TTC39C: variants seen among roughly 807,000 people sequenced by gnomAD.
TTC39C encodes tetratricopeptide repeat protein 39C.
Under a neutral mutation model 76.3 loss-of-function variants are expected in TTC39C, and 33 were observed. The ratio of observed to expected loss-of-function variants is 0.43; its 90% CI spans 0.33 to 0.58. The LOEUF is 0.58. TTC39C is among the 20% of genes least tolerant of loss of function. The pLI is 0.04. For missense variants in TTC39C, 595 were observed against 701.4 expected, an observed-to-expected ratio of 0.85 and a Z score of 1.71; for synonymous variants, 254 against 260.6, an observed-to-expected ratio of 0.97 and a Z score of 0.24.
intron 6 of TTC39C, among the ~76,000 whole-genome samples, chr18:24,096,360 C>A (rs2084589767): frequency 6.6e-6 from 1 of 152,176 alleles, no homozygotes; most frequent in Non-Finnish European, 1.5e-5. Flanking sequence ...ATTATATTTT[C>A]TGTCTATTAC....
At chr18:24,015,704 G>T (rs1046966916) in intron 1 of TTC39C, among the ~76,000 whole-genome samples, 1 of 152,110 alleles carries the variant, frequency 6.6e-6, no homozygotes, top group African/African-American at 2.4e-5. Context: ...TTTTTCCAAC[G>T]TAAATAAAGG....
chr18:24,096,390 A>G (rs1338883141), intron 6 of TTC39C, among the ~76,000 whole-genome samples: 2 of 152,228 alleles, frequency 1.3e-5, no homozygotes, highest in East Asian at 1.9e-4. Context: ...GAGAATTAAC[A>G]TTGCCTTTAA....
intron 10 of TTC39C, among the ~76,000 whole-genome samples, chr18:24,128,151 G>A (rs1361185405): frequency 1.3e-5 from 2 of 152,198 alleles, no homozygotes; most frequent in Non-Finnish European, 2.9e-5. Flanking sequence ...CTGGCAAATA[G>A]TAGGCTCTCA....
chr18:24,030,074 C>T (rs764528559), intron 1 of TTC39C, among the ~76,000 whole-genome samples: 38 of 152,068 alleles, frequency 2.5e-4, no homozygotes, highest in Non-Finnish European at 4.9e-4. Flanking sequence ...TTTAAGGAAT[C>T]GCCGTACTGT....
Position 24,015,179 on chromosome 18 carries a change from G to C in TTC39C, c.167+141G>C. The C allele has an allele frequency of 5.6e-6, 4 of 710,830 alleles. No individual in the cohort carries two copies. The South Asian group carries it at 1.2e-4, about 21-fold the overall frequency. 44.0% of individuals were successfully genotyped at this position (710,830 alleles called of 1,614,324 possible). Reference sequence around the variant, plus strand: ...GGTCCTCAGGTCTCCTCCCTGGCAAGATCAGCCAGAGGGAATGCGCCTCTG... The same window carrying C: ...GGTCCTCAGGTCTCCTCCCTGGCAACATCAGCCAGAGGGAATGCGCCTCTG... On this transcript the variant is annotated intron_variant, in intron 1 of 13. Transcript: ENST00000317571.
rs188415159 is a variant in TTC39C at position 24,064,129 on chromosome 18, T to G, written c.168-11T>G. ...TTGTATTTTGTGTGTGTGTGTGTGT[T>G]TTTTTAACAGAAATCATAGCCCACT... is the stretch of plus-strand genomic sequence containing the variant. On this transcript the variant is annotated splice_polypyrimidine_tract_variant and intron_variant, in intron 1 of 13. Coordinates refer to ENST00000317571, the MANE Select transcript of TTC39C (RefSeq NM_001135993.2). 4.4e-3 allele frequency: 7,041 copies of G among 1,612,882 alleles called. 94 individuals carry two copies. The Admixed American group carries it at 0.065, about 15-fold the overall frequency.
intron 1 of TTC39C, among the ~76,000 whole-genome samples, chr18:24,030,075 G>T (rs545079924): frequency 6.6e-6 from 1 of 152,194 alleles, no homozygotes; most frequent in East Asian, 1.9e-4. Context: ...TTAAGGAATC[G>T]CCGTACTGTT....
chr18:24,007,918 T>A (rs1239232982), intron 1 of TTC39C, among the ~76,000 whole-genome samples: 2 of 152,054 alleles, frequency 1.3e-5, no homozygotes, highest in Non-Finnish European at 2.9e-5. Flanking sequence ...AAATAAATTG[T>A]ATAGGTTCTA....
chr18:24,026,371 G>A (rs2083600156), intron 1 of TTC39C, among the ~76,000 whole-genome samples: 1 of 151,948 alleles, frequency 6.6e-6, no homozygotes. Context: ...CATGAATCAG[G>A]GCACAGTTGC....
In TTC39C at chr18:24,128,963, A is replaced by G. The variant is rs767020034; in HGVS notation, c.1498A>G (p.Asn500Asp). The change falls in exon 11 of 14, where the codon AAC (asparagine) becomes GAC (aspartate). Residue 500 changes from asparagine to aspartate, a missense_variant. By Grantham distance (23) the Asn-to-Asp change is conservative. Coordinates refer to ENST00000317571, the MANE Select transcript of TTC39C (RefSeq NM_001135993.2). ...LLGAIHKCLGNSEDAVQYFQR... is the reference protein window; with the variant it reads ...LLGAIHKCLGDSEDAVQYFQR... ...TGGTGCCATACACAAATGTCTAGGA[A>G]ACTCAGAAGATGCTGTTCAGGTAAA... 4.3e-6 allele frequency: 7 copies of G among 1,613,452 alleles called. No homozygotes were observed. The highest frequency in any genetic ancestry group is 1.3e-5 in the African/African-American group (1 of 74,922).
rs543270641 is a variant in TTC39C at position 24,064,672 on chromosome 18, A to G, written c.216+484A>G. 2.0e-5 allele frequency among the ~76,000 whole-genome samples: 3 copies of G among 152,324 alleles called. No individual in the cohort carries two copies. The East Asian group carries it at 5.8e-4, about 29-fold the overall frequency. ...CATTGGGCAATGTGGAAAATGGGAT[A>G]CTTCGATTTTTCGGAAATAGTAATA... On this transcript the variant is annotated intron_variant, in intron 2 of 13. Transcript: ENST00000317571.
chr18:24,005,080 C>T (rs1216808653), intron 1 of TTC39C, among the ~76,000 whole-genome samples: 1 of 152,198 alleles, frequency 6.6e-6, no homozygotes, highest in Non-Finnish European at 1.5e-5. Flanking sequence ...TGTGTGAATG[C>T]CCTCAGTCAG....
At position 24,094,231 on chromosome 18, in the gene TTC39C, C is replaced by T. The variant is rs537424549; in HGVS notation, c.984+11150C>T. Among the ~76,000 whole-genome samples the T allele has an allele frequency of 7.4e-4, 113 of 152,272 alleles. 2 individuals are homozygous for T. In the South Asian group the frequency reaches 9.5e-3, roughly 13 times the overall value. ...TCCCATCTCTTCATGTTTTGTCCTG[C>T]GATTGCAACAAGTCAGTCCCATCTT... On this transcript the variant is annotated intron_variant, in intron 6 of 13. Coordinates refer to ENST00000317571, the MANE Select transcript of TTC39C (RefSeq NM_001135993.2).
chr18:24,060,151 G>A (rs1008163732), intron 1 of TTC39C, among the ~76,000 whole-genome samples: 1 of 152,118 alleles, frequency 6.6e-6, no homozygotes, highest in Non-Finnish European at 1.5e-5. Flanking sequence ...TTGCCACACT[G>A]TCTTCCACAA....
chr18:24,063,617 A>G (rs1054994511), intron 1 of TTC39C, among the ~76,000 whole-genome samples: 4 of 151,364 alleles, frequency 2.6e-5, no homozygotes, highest in South Asian at 2.1e-4. Context: ...GATTCACGCA[A>G]TTGTCCCTGC....
chr18:24,126,592 C>T (rs1244418531), intron 10 of TTC39C, among the ~76,000 whole-genome samples: 1 of 151,838 alleles, frequency 6.6e-6, no homozygotes, highest in African/African-American at 2.4e-5. Context: ...GAGGAACTAG[C>T]AAGGAAACAG....
chr18:24,023,783 A>T (rs1023901625), intron 1 of TTC39C, among the ~76,000 whole-genome samples: 2 of 144,626 alleles, frequency 1.4e-5, no homozygotes, highest in East Asian at 4.1e-4. Flanking sequence ...GTGACTCTCG[A>T]CTCTGTCACA....
intron 3 of TTC39C, 47 bp downstream of exon 3, chr18:24,066,187 A>T (rs1382648780): frequency 1.3e-6 from 2 of 1,546,640 alleles, no homozygotes; most frequent in Non-Finnish European, 1.7e-6. Context: ...ACTTATTTAG[A>T]ATATCACTTT....
chr18:24,045,911 A>T (rs1357916740), intron 1 of TTC39C, among the ~76,000 whole-genome samples: 17 of 25,720 alleles, frequency 6.6e-4, no homozygotes, highest in African/African-American at 1.0e-3. Context: ...ATATATATAT[A>T]TATATATATA....
Sources: allele counts gnomAD v4.1 joint callset (sites outside exome capture counted in the v4.1 genomes callset), GRCh38; gene constraint gnomAD v4.1.1; transcripts MANE v1.5; gene names NCBI Gene and HGNC (gene_info 2026-07-23, HGNC 2026-07-21).